Variants in PPP2R2B observed in about 807,000 individuals in gnomAD.
PPP2R2B encodes the protein protein phosphatase 2 regulatory subunit Bbeta, also known as serine/threonine-protein phosphatase 2A 55 kDa regulatory subunit B beta isoform.
A neutral mutation model predicts 46.0 loss-of-function variants in PPP2R2B; 5 were observed. The ratio of observed to expected loss-of-function variants is 0.11; its 90% CI spans 0.06 to 0.23. The LOEUF (loss-of-function observed/expected upper bound fraction) is 0.23, where lower values mean the gene tolerates loss of function less well. PPP2R2B is among the 10% of genes least tolerant of loss of function. The probability of loss-of-function intolerance (pLI) is 1.00; values close to 1 mark genes in which losing one functional copy is unlikely to be tolerated. For missense variants in PPP2R2B, 367 were observed against 575.0 expected, an observed-to-expected ratio of 0.64 and a Z score of 3.70; for synonymous variants, 215 against 206.7, an observed-to-expected ratio of 1.04 and a Z score of -0.34.
At chr5:146,645,293 A>G (rs1000708540) in intron 6 of PPP2R2B, among the ~76,000 whole-genome samples, 3 of 152,198 alleles carry the variant, frequency 2.0e-5, no homozygotes, top group Non-Finnish European at 4.4e-5. Flanking sequence ...CTGAAAGGAC[A>G]TGTTGCTTGA....
intron 2 of PPP2R2B, among the ~76,000 whole-genome samples, chr5:146,779,342 C>T (rs775345559): frequency 8.5e-5 from 13 of 152,108 alleles, no homozygotes; most frequent in East Asian, 3.9e-4. Flanking sequence ...ACTCTGCTGG[C>T]GGTTGATTCT....
intron 1 of PPP2R2B, among the ~76,000 whole-genome samples, chr5:147,034,504 A>C (rs1755944454): frequency 6.6e-6 from 1 of 152,212 alleles, no homozygotes; most frequent in South Asian, 2.1e-4. Context: ...TATACTCTCA[A>C]GCTCTCATGC....
At chr5:146,738,499 C>G (rs1752677784) in intron 2 of PPP2R2B, among the ~76,000 whole-genome samples, 1 of 151,672 alleles carries the variant, frequency 6.6e-6, no homozygotes, top group Non-Finnish European at 1.5e-5. Context: ...AAATTACATA[C>G]TAGCAAGATT....
intron 2 of PPP2R2B, among the ~76,000 whole-genome samples, chr5:146,831,699 G>A (rs184568298): frequency 5.0e-4 from 76 of 152,270 alleles, no homozygotes; most frequent in Non-Finnish European, 7.6e-4. Flanking sequence ...GCTGAGGCAG[G>A]AGAATCCTTG....
chr5:146,676,824 T>A (rs961781340), intron 5 of PPP2R2B, among the ~76,000 whole-genome samples: 7 of 152,308 alleles, frequency 4.6e-5, no homozygotes, highest in African/African-American at 9.6e-5. Flanking sequence ...GTGGAATTAG[T>A]TTTTAAAATG....
intron 1 of PPP2R2B, among the ~76,000 whole-genome samples, chr5:147,002,723 A>G (rs1218032400): frequency 6.7e-6 from 1 of 148,620 alleles, no homozygotes; most frequent in Non-Finnish European, 1.5e-5. Context: ...TCTGATCACC[A>G]GGGTCCAGGG....
intron 7 of PPP2R2B, among the ~76,000 whole-genome samples, chr5:146,620,768 C>T (rs1240681978): frequency 6.6e-6 from 1 of 152,172 alleles, no homozygotes. Flanking sequence ...CCCCTCCCTC[C>T]TTCCCTCTCA....
chr5:147,015,877 C>T (rs1261316908), intron 1 of PPP2R2B, among the ~76,000 whole-genome samples: 1 of 151,184 alleles, frequency 6.6e-6, no homozygotes, highest in African/African-American at 2.4e-5. Flanking sequence ...TAAATGATAT[C>T]TATTTTCAGT....
At chr5:146,868,034 C>A (rs1324022939) in intron 2 of PPP2R2B, among the ~76,000 whole-genome samples, 1 of 152,164 alleles carries the variant, frequency 6.6e-6, no homozygotes, top group Admixed American at 6.5e-5. Flanking sequence ...AGAGCTTAAC[C>A]TCATTGATTG....
At chr5:146,591,526 T>C (rs1184236741) in intron 9 of PPP2R2B, among the ~76,000 whole-genome samples, 3 of 152,140 alleles carry the variant, frequency 2.0e-5, no homozygotes, top group African/African-American at 7.2e-5. Context: ...ACATTGCTAA[T>C]TGGTGGTAAA....
At chr5:146,828,647 G>A (rs1758730595) in intron 2 of PPP2R2B, among the ~76,000 whole-genome samples, 1 of 152,028 alleles carries the variant, frequency 6.6e-6, no homozygotes, top group Non-Finnish European at 1.5e-5. Context: ...GTGACTGTAT[G>A]GACAAAAAGG....
intron 7 of PPP2R2B, among the ~76,000 whole-genome samples, chr5:146,633,114 G>T (rs1337994817): frequency 6.6e-6 from 1 of 152,142 alleles, no homozygotes; most frequent in Non-Finnish European, 1.5e-5. Context: ...TGCAAACAAA[G>T]CCCTGTCACT....
At chr5:146,875,986 T>A (rs1582333166) in intron 2 of PPP2R2B, among the ~76,000 whole-genome samples, 1 of 152,310 alleles carries the variant, frequency 6.6e-6, no homozygotes, top group East Asian at 1.9e-4. Context: ...GGTATTTACA[T>A]CGTTTAAGTT....
At chr5:146,702,918 AG>A (rs1779628561) in intron 2 of PPP2R2B, among the ~76,000 whole-genome samples, 2 of 152,260 alleles carry the variant, frequency 1.3e-5, no homozygotes, top group African/African-American at 4.8e-5. Flanking sequence ...ATGTAAGTTT[AG>A]AAGGTCCATT....
chr5:146,727,164 G>A (rs565963567), intron 2 of PPP2R2B, among the ~76,000 whole-genome samples: 16 of 151,896 alleles, frequency 1.1e-4, no homozygotes, highest in African/African-American at 3.6e-4. Context: ...ACAAGAACAA[G>A]GTCTCATTGT....
At chr5:146,702,058 A>G (rs1305695825) in intron 2 of PPP2R2B, among the ~76,000 whole-genome samples, 1 of 113,382 alleles carries the variant, frequency 8.8e-6, no homozygotes, top group Non-Finnish European at 2.0e-5. Context: ...AAATGAGTTA[A>G]AAAAAAAAAA....
intron 2 of PPP2R2B, 37 bp from the exon 3 acceptor site, chr5:146,701,179 C>A (rs1779515260): frequency 2.0e-6 from 3 of 1,469,008 alleles, no homozygotes; most frequent in South Asian, 2.3e-5. Context: ...TAAGTAACTG[C>A]ACACTTACTT....
At chr5:147,077,177 A>G (rs1757800096) in intron 2 of PPP2R2B, among the ~76,000 whole-genome samples, 1 of 146,102 alleles carries the variant, frequency 6.8e-6, no homozygotes, top group African/African-American at 2.5e-5. Flanking sequence ...TTATATATGT[A>G]TAATATTGTA....
intron 5 of PPP2R2B, among the ~76,000 whole-genome samples, chr5:146,673,087 A>G (rs1375620726): frequency 6.6e-6 from 1 of 152,238 alleles, no homozygotes; most frequent in Admixed American, 6.5e-5. Flanking sequence ...GACCAGTGCC[A>G]ATAAAGCTCA....
Sources: gnomAD v4.1 joint callset for allele counts (sites outside exome capture counted in the v4.1 genomes callset) on GRCh38, gnomAD v4.1.1 for gene constraint, MANE v1.5 for transcripts, NCBI Gene and HGNC (gene_info 2026-07-23, HGNC 2026-07-21) for gene names.